SV2C: variants seen among roughly 807,000 people sequenced by gnomAD.
The protein encoded by SV2C is solute carrier family 22 member B3.
SV2C carries 49 observed loss-of-function variants against 79.7 expected under a neutral mutation model. That is an observed-to-expected ratio of 0.61 (90% CI 0.49 to 0.78). The LOEUF is 0.78. SV2C is among the 30% of genes least tolerant of loss of function. The pLI, the probability that SV2C is intolerant of heterozygous loss-of-function variation, is 0.00. For synonymous variants in SV2C, 334 were observed against 333.2 expected (o/e 1.00, Z -0.03); for missense variants, 833 against 912.9 (o/e 0.91, Z 1.13).
intron 2 of SV2C, among the ~76,000 whole-genome samples, chr5:76,145,685 CAA>C (rs1467838007): frequency 6.6e-6 from 1 of 152,150 alleles, no homozygotes; most frequent in Non-Finnish European, 1.5e-5. Context: ...TTTAAGCTCC[CAA>C]GCAAGATCTT....
At chr5:76,127,928 T>A (rs543223712) in intron 1 of SV2C, among the ~76,000 whole-genome samples, 9 of 152,278 alleles carry the variant, frequency 5.9e-5, no homozygotes, top group Non-Finnish European at 1.5e-5. Context: ...CCTCCCGCCC[T>A]GCTCCCTGAC....
At chr5:76,144,697 G>A (rs1749364729) in intron 2 of SV2C, among the ~76,000 whole-genome samples, 1 of 152,220 alleles carries the variant, frequency 6.6e-6, no homozygotes. Context: ...ACTGAGGGCA[G>A]ATGCAGAATA....
intron 4 of SV2C, among the ~76,000 whole-genome samples, chr5:76,218,616 C>G (rs1744973177): frequency 6.6e-6 from 1 of 152,060 alleles, no homozygotes; most frequent in South Asian, 2.1e-4. Context: ...TTGAGGGAGG[C>G]AAGGGGAGGG....
the SV2C span, among the ~76,000 whole-genome samples, chr5:76,059,415 G>T: frequency 3.9e-5 from 6 of 151,948 alleles, no homozygotes; most frequent in African/African-American, 1.5e-4. Context: ...ATGTCCTATC[G>T]TAAATCCTTT....
intron 2 of SV2C, among the ~76,000 whole-genome samples, chr5:76,146,046 T>C (rs1202946455): frequency 6.6e-6 from 1 of 150,818 alleles, no homozygotes; most frequent in Non-Finnish European, 1.5e-5. Flanking sequence ...TGTGTTCCAC[T>C]CCACATGAAA....
At chr5:76,035,274 A>AAC in the SV2C span, among the ~76,000 whole-genome samples, 1 of 149,506 alleles carries the variant, frequency 6.7e-6, no homozygotes, top group African/African-American at 2.5e-5. Flanking sequence ...GATCTTAGTT[A>AAC]TATCTTGCCT....
At chr5:75,901,496 C>T in the SV2C span, among the ~76,000 whole-genome samples, 1 of 152,220 alleles carries the variant, frequency 6.6e-6, no homozygotes, top group Non-Finnish European at 1.5e-5. Flanking sequence ...TCTGCCCCTA[C>T]TGGGGGGTGC....
chr5:75,901,222 A>G, the SV2C span, among the ~76,000 whole-genome samples: 1 of 151,790 alleles, frequency 6.6e-6, no homozygotes, highest in African/African-American at 2.4e-5. Context: ...GGTTTTATCT[A>G]CTTTTGGTCT....
the SV2C span, among the ~76,000 whole-genome samples, chr5:76,045,815 G>C: frequency 6.6e-6 from 1 of 152,130 alleles, no homozygotes; most frequent in South Asian, 2.1e-4. Context: ...TTATTCTGTG[G>C]GGGCTAAAAG....
intron 2 of SV2C, among the ~76,000 whole-genome samples, chr5:76,192,882 T>A (rs1439163092): frequency 6.6e-6 from 1 of 152,252 alleles, no homozygotes; most frequent in African/African-American, 2.4e-5. Context: ...TTTTTTATAC[T>A]AACTGTGTCA....
intron 2 of SV2C, among the ~76,000 whole-genome samples, chr5:76,189,133 A>G (rs908453057): frequency 6.6e-6 from 1 of 152,096 alleles, no homozygotes; most frequent in Admixed American, 6.5e-5. Flanking sequence ...GATCTTAAGT[A>G]TAGTTAGAGG....
intron 4 of SV2C, chr5:76,241,980 T>C (rs1745799538): frequency 3.1e-6 from 3 of 955,948 alleles, no homozygotes; most frequent in African/African-American, 1.6e-5. Flanking sequence ...TATTTCAAAC[T>C]GTACAGTCAC....
At chr5:76,144,272 C>G (rs1258119483) in intron 2 of SV2C, among the ~76,000 whole-genome samples, 2 of 115,686 alleles carry the variant, frequency 1.7e-5, no homozygotes, top group Non-Finnish European at 4.6e-5. Flanking sequence ...AGCCTGGAAA[C>G]AGTGAAGCTG....
the SV2C span, among the ~76,000 whole-genome samples, chr5:75,983,880 G>C: frequency 6.6e-6 from 1 of 152,056 alleles, no homozygotes; most frequent in Non-Finnish European, 1.5e-5. Flanking sequence ...TCTCCTTCTT[G>C]CAATGGTTTG....
At chr5:76,296,026 T>C (rs1001796979) in intron 9 of SV2C, 84 bp downstream of exon 9, 33 of 1,326,832 alleles carry the variant, frequency 2.5e-5, no homozygotes, top group Admixed American at 7.6e-5. Context: ...GAAACAGGCA[T>C]AGTTTTTTGT....
chr5:75,908,818 T>A, the SV2C span, among the ~76,000 whole-genome samples: 1 of 152,214 alleles, frequency 6.6e-6, no homozygotes, highest in Non-Finnish European at 1.5e-5. Flanking sequence ...CAGTACCTCT[T>A]CAAGTGCTAG....
chr5:76,198,013 G>A (rs963841169), intron 3 of SV2C, among the ~76,000 whole-genome samples: 4 of 152,274 alleles, frequency 2.6e-5, no homozygotes, highest in South Asian at 4.1e-4. Flanking sequence ...TCCCAGCTCC[G>A]AGAGACTGCA....
intron 4 of SV2C, among the ~76,000 whole-genome samples, chr5:76,253,910 G>A (rs929868509): frequency 6.6e-6 from 1 of 152,038 alleles, no homozygotes; most frequent in African/African-American, 2.4e-5. Context: ...AGTTTTTAAA[G>A]ATTCTGCTGC....
At chr5:76,045,006 A>G in the SV2C span, among the ~76,000 whole-genome samples, 1 of 152,072 alleles carries the variant, frequency 6.6e-6, no homozygotes, top group Admixed American at 6.5e-5. Context: ...TATATCCTGA[A>G]TGGTATTGCC....
Sources: gnomAD v4.1 joint callset for allele counts (sites outside exome capture counted in the v4.1 genomes callset) on GRCh38, gnomAD v4.1.1 for gene constraint, MANE v1.5 for transcripts, NCBI Gene and HGNC (gene_info 2026-07-23, HGNC 2026-07-21) for gene names.